The following CDC5L variants were observed in gnomAD, a reference collection of about 807,000 sequenced individuals.
The protein encoded by CDC5L is cell division cycle 5 like.
In CDC5L, 18 loss-of-function variants were observed where a neutral mutation model predicts 104.1. The observed-to-expected ratio is 0.17, with a 90% CI of 0.12 to 0.26. The LOEUF is 0.26. CDC5L is among the 10% of genes least tolerant of loss of function. The pLI, the probability that CDC5L is intolerant of heterozygous loss-of-function variation, is 1.00. For missense variants in CDC5L, 673 were observed against 956.9 expected (o/e 0.70, Z 3.91); for synonymous variants, 331 against 322.7 (o/e 1.03, Z -0.28).
At chr6:44,406,929 A>G (rs1791392211) in intron 7 of CDC5L, among the ~76,000 whole-genome samples, 1 of 151,952 alleles carries the variant, frequency 6.6e-6, no homozygotes, top group South Asian at 2.1e-4. Flanking sequence ...CAACAACAAT[A>G]ACAAAAAAAA....
At chr6:44,437,654 G>A (rs1202104964) in intron 14 of CDC5L, among the ~76,000 whole-genome samples, 3 of 152,140 alleles carry the variant, frequency 2.0e-5, no homozygotes, top group Non-Finnish European at 4.4e-5. Flanking sequence ...TGACTCCATT[G>A]GATGAGGTGA....
At chr6:44,403,244 A>G (rs1188133852) in intron 5 of CDC5L, among the ~76,000 whole-genome samples, 6 of 152,128 alleles carry the variant, frequency 3.9e-5, no homozygotes, top group Non-Finnish European at 8.8e-5. Context: ...TTTAATTGTT[A>G]AATAAAACTT....
intron 4 of CDC5L, 86 bp downstream of exon 4, chr6:44,393,659 T>G: frequency 7.5e-7 from 1 of 1,333,152 alleles, no homozygotes. Flanking sequence ...TGAACTCCTC[T>G]ACTTTAGAAT....
chr6:44,429,211 G>A (rs1331992837), intron 13 of CDC5L, among the ~76,000 whole-genome samples: 1 of 151,946 alleles, frequency 6.6e-6, no homozygotes, highest in Non-Finnish European at 1.5e-5. Flanking sequence ...TAGTAGACAC[G>A]AGGTTTTGCT....
rs767435764 is a variant in CDC5L at position 44,406,487 on chromosome 6, T to A, written c.903+20T>A. On this transcript the variant is annotated intron_variant, in intron 7 of 15. Transcript: ENST00000371477. ...CCTCAGGTAATCTGATAAAAGCAAATTTTTCACTATGTGAATTTATATGCT... is the reference window on the plus strand; with the variant it reads ...CCTCAGGTAATCTGATAAAAGCAAAATTTTCACTATGTGAATTTATATGCT... 1 of 1,592,344 alleles carries A rather than the reference T, an allele frequency of 6.3e-7. No homozygotes were observed. Among genetic ancestry groups the A allele is most frequent in the Non-Finnish European group, 8.5e-7 (1 of 1,170,710 alleles).
chr6:44,387,934 G>C (rs1427023227), intron 1 of CDC5L, 66 bp downstream of exon 1: 1 of 1,478,256 alleles, frequency 6.8e-7, no homozygotes, highest in African/African-American at 1.4e-5. Context: ...GCACGCGCGC[G>C]GAGGTCGGGG....
At chr6:44,431,264 A>G (rs1258771505) in intron 14 of CDC5L, among the ~76,000 whole-genome samples, 5 of 152,146 alleles carry the variant, frequency 3.3e-5, no homozygotes, top group Admixed American at 1.3e-4. Context: ...CTTGGGTAAA[A>G]TCTTAGTTCA....
At chr6:44,403,304 GCT>G (rs751483416) in intron 5 of CDC5L, among the ~76,000 whole-genome samples, 1 of 145,854 alleles carries the variant, frequency 6.9e-6, no homozygotes, top group Non-Finnish European at 1.5e-5. Context: ...GTTTCCTTTT[GCT>G]CTTTTTACAC....
chr6:44,391,589 T>C (rs1209627636), intron 2 of CDC5L, among the ~76,000 whole-genome samples: 1 of 152,094 alleles, frequency 6.6e-6, no homozygotes, highest in Non-Finnish European at 1.5e-5. Flanking sequence ...CACGTGAAGC[T>C]ATTTAGGGTG....
intron 9 of CDC5L, among the ~76,000 whole-genome samples, chr6:44,420,994 T>A (rs1443106007): frequency 6.6e-6 from 1 of 152,330 alleles, no homozygotes; most frequent in East Asian, 1.9e-4. Context: ...TGGTCTGTCA[T>A]AGCACACATA....
intron 13 of CDC5L, among the ~76,000 whole-genome samples, chr6:44,427,519 CCT>C (rs1792480504): frequency 6.6e-6 from 1 of 152,194 alleles, no homozygotes; most frequent in African/African-American, 2.4e-5. Flanking sequence ...CTGCATTCTT[CCT>C]CTTTCTTCGC....
chr6:44,389,924 C>T (rs1790514641), intron 1 of CDC5L, among the ~76,000 whole-genome samples: 1 of 151,998 alleles, frequency 6.6e-6, no homozygotes, highest in Non-Finnish European at 1.5e-5. Context: ...TTTTAGTTAT[C>T]CTTTTTGAAG....
At chr6:44,423,648 T>C (rs753282273) in intron 10 of CDC5L, among the ~76,000 whole-genome samples, 7 of 152,130 alleles carry the variant, frequency 4.6e-5, no homozygotes, top group African/African-American at 7.2e-5. Context: ...GTTTTAGATA[T>C]AGCAACTCAT....
chr6:44,429,771 A>T lies in CDC5L; in HGVS notation c.1952A>T (p.Glu651Val). The change falls in exon 14 of 16, where the codon GAG becomes GTG. Residue 651 changes from glutamate (E) to valine (V), a missense_variant. Around this residue, in one of 4 missense-constraint regions of CDC5L, gnomAD observed 578 missense variants for 737.0 expected, o/e 0.78. Transcript: ENST00000371477. ...GTTAAACAAGGAATGAGCCATGGAGAGCTCTCAAGTGAAGCTTATAACCAG... is the reference window on the plus strand; with the variant it reads ...GTTAAACAAGGAATGAGCCATGGAGTGCTCTCAAGTGAAGCTTATAACCAG... ...EVVKQGMSHG[E>V]LSSEAYNQVW... 1 of 1,614,128 alleles carries T rather than the reference A, an allele frequency of 6.2e-7. No homozygotes were observed. The highest frequency in any genetic ancestry group is 8.5e-7 in the Non-Finnish European group (1 of 1,179,968).
chr6:44,405,895 T>C (rs11571951), intron 6 of CDC5L, among the ~76,000 whole-genome samples: 2,189 of 152,136 alleles, frequency 0.014, 22 homozygotes, highest in Middle Eastern at 0.034. Context: ...TTTTACCTTT[T>C]TTTAGCTATT....
rs1016731902 is a variant in CDC5L at position 44,390,369 on chromosome 6, A to G, written c.147A>G (p.Arg49=). 1.3e-5 allele frequency: 20 copies of G among 1,584,644 alleles called. No individual in the cohort carries two copies. The highest frequency in any genetic ancestry group is 1.6e-5 in the Non-Finnish European group (18 of 1,154,076). ...AATCAGCAAAGCAGTGCAAAGCCAG[A>G]TGGTATGTATCAGTTTAATAAGTGG... ...HRKSAKQCKA[R]WYEWLDPSIK... The change falls in exon 2 of 16, where the codon AGA becomes AGG. Residue 49 remains arginine (R), a splice_region_variant and synonymous_variant. Coordinates refer to ENST00000371477, the MANE Select transcript of CDC5L (RefSeq NM_001253.4).
At chr6:44,392,857 A>C in intron 3 of CDC5L, 29 bp downstream of exon 3, 1 of 1,585,052 alleles carries the variant, frequency 6.3e-7, no homozygotes, top group Non-Finnish European at 8.6e-7. Flanking sequence ...AGAGCATAGA[A>C]TATATGTATA....
At chr6:44,412,253 C>T (rs1791675469) in intron 8 of CDC5L, among the ~76,000 whole-genome samples, 1 of 152,110 alleles carries the variant, frequency 6.6e-6, no homozygotes, top group Non-Finnish European at 1.5e-5. Context: ...TTATCCATGC[C>T]TCAGCCTTTC....
intron 8 of CDC5L, among the ~76,000 whole-genome samples, chr6:44,415,712 G>A (rs1463915771): frequency 6.6e-6 from 1 of 152,148 alleles, no homozygotes; most frequent in East Asian, 1.9e-4. Context: ...CTGCTGGCCA[G>A]AACTTAGGCA....
Sources: gnomAD v4.1 joint callset for allele counts (sites outside exome capture counted in the v4.1 genomes callset) on GRCh38, gnomAD v4.1.1 for gene constraint, gnomAD v4.1.1 regional missense constraint, MANE v1.5 for transcripts, NCBI Gene and HGNC (gene_info 2026-07-23, HGNC 2026-07-21) for gene names.